Variants in NEO1 observed in about 807,000 individuals in gnomAD.
NEO1 encodes the protein neogenin 1.
Under a neutral mutation model 159.7 loss-of-function variants are expected in NEO1, and 63 were observed. That is an observed-to-expected ratio of 0.39 (90% confidence interval 0.32 to 0.49). The LOEUF (loss-of-function observed/expected upper bound fraction) is 0.49. Among genes scored for constraint, NEO1 ranks in the 20% least tolerant of loss-of-function variants. The probability of loss-of-function intolerance (pLI) is 0.85; values close to 1 mark genes in which losing one functional copy is unlikely to be tolerated. For synonymous variants in NEO1, 633 were observed against 662.0 expected, an observed-to-expected ratio of 0.96 and a Z score of 0.67; for missense variants, 1,615 against 1,831.0, an observed-to-expected ratio of 0.88 and a Z score of 2.15.
intron 12 of NEO1, among the ~76,000 whole-genome samples, 184 bp from the exon 13 acceptor site, chr15:73,254,498 T>A (rs1426292212): frequency 2.6e-5 from 4 of 152,148 alleles, no homozygotes; most frequent in Non-Finnish European, 5.9e-5. Context: ...TCCCATTTGA[T>A]CATTGAGGGT....
chr15:73,112,981 G>A (rs866937018), intron 1 of NEO1, among the ~76,000 whole-genome samples: 2 of 151,956 alleles, frequency 1.3e-5, no homozygotes, highest in East Asian at 1.9e-4. Flanking sequence ...TTCCTCAATC[G>A]ATTTAAAATG....
intron 7 of NEO1, among the ~76,000 whole-genome samples, chr15:73,208,659 C>T (rs550976468): frequency 6.6e-6 from 1 of 152,102 alleles, no homozygotes; most frequent in African/African-American, 2.4e-5. Context: ...CCCAGGAGTT[C>T]GAGACCAACC....
At chr15:73,260,228 A>C (rs2040559714) in intron 14 of NEO1, 43 bp from the exon 15 acceptor site, 1 of 1,548,066 alleles carries the variant, frequency 6.5e-7, no homozygotes, top group Non-Finnish European at 8.9e-7. Context: ...GATATTTTAA[A>C]GGACAGTATA....
intron 2 of NEO1, among the ~76,000 whole-genome samples, chr15:73,119,874 C>T (rs531048486): frequency 6.6e-6 from 1 of 152,352 alleles, no homozygotes; most frequent in Admixed American, 6.5e-5. Context: ...CAGTGGCTTA[C>T]GCCTATAATC....
intron 22 of NEO1, among the ~76,000 whole-genome samples, chr15:73,278,416 A>G (rs1461199066): frequency 6.6e-6 from 1 of 152,232 alleles, no homozygotes. Context: ...ACTTAAGATT[A>G]ATTCCTAAAC....
At chr15:73,225,271 G>T (rs902823191) in intron 7 of NEO1, among the ~76,000 whole-genome samples, 17 of 152,148 alleles carry the variant, frequency 1.1e-4, no homozygotes, top group Non-Finnish European at 1.5e-5. Context: ...CTATTTTTGT[G>T]CTGGTTGCCC....
chr15:73,084,106 TA>T (rs200772953), intron 1 of NEO1, among the ~76,000 whole-genome samples: 2,343 of 152,238 alleles, frequency 0.015, 61 homozygotes, highest in African/African-American at 0.053. Context: ...CTCATATACT[TA>T]ACGTTTTTCT....
chr15:73,083,518 T>G (rs1433327514), intron 1 of NEO1, among the ~76,000 whole-genome samples: 1 of 152,150 alleles, frequency 6.6e-6, no homozygotes, highest in Admixed American at 6.5e-5. Context: ...ACATTATCAT[T>G]GGACAGTGCA....
chr15:73,279,549 A>G (rs1258608565), intron 22 of NEO1, among the ~76,000 whole-genome samples: 3 of 151,714 alleles, frequency 2.0e-5, no homozygotes, highest in Admixed American at 1.3e-4. Flanking sequence ...GGGTTTCACC[A>G]TGTTGGCCAG....
intron 9 of NEO1, among the ~76,000 whole-genome samples, chr15:73,248,215 A>G (rs1382958093): frequency 6.6e-6 from 1 of 152,150 alleles, no homozygotes; most frequent in Non-Finnish European, 1.5e-5. Flanking sequence ...TATTTTATCT[A>G]GTCTTGTTCT....
intron 21 of NEO1, 142 bp downstream of exon 21, chr15:73,274,866 A>G: frequency 1.3e-6 from 1 of 761,276 alleles, no homozygotes; most frequent in Non-Finnish European, 2.1e-6. Context: ...GCCAAAGTAG[A>G]GTTGAGTCCA....
At chr15:73,249,463 T>TATA (rs774748283) in intron 10 of NEO1, 120 bp from the exon 11 acceptor site, 9 of 1,139,574 alleles carry the variant, frequency 7.9e-6, no homozygotes, top group Admixed American at 5.9e-5. Context: ...TGAAGAACCT[T>TATA]ATGTAGAAGG....
At chr15:73,249,814 G>A in intron 11 of NEO1, 93 bp downstream of exon 11, 1 of 1,374,606 alleles carries the variant, frequency 7.3e-7, no homozygotes, top group Non-Finnish European at 9.7e-7. Context: ...AGAAGATTCA[G>A]TTCAAATCCC....
At chr15:73,158,546 C>A (rs2033948540) in intron 5 of NEO1, among the ~76,000 whole-genome samples, 1 of 151,772 alleles carries the variant, frequency 6.6e-6, no homozygotes, top group Admixed American at 6.6e-5. Context: ...CACTACGACA[C>A]CCAGCTAATT....
chr15:73,118,803 T>C (rs1455635083), intron 2 of NEO1, among the ~76,000 whole-genome samples: 2 of 152,246 alleles, frequency 1.3e-5, no homozygotes. Flanking sequence ...AAAGTTCTTT[T>C]AAATAGTTGC....
chr15:73,285,991 T>C (rs1164885637), intron 23 of NEO1, among the ~76,000 whole-genome samples: 1 of 152,162 alleles, frequency 6.6e-6, no homozygotes, highest in Non-Finnish European at 1.5e-5. Context: ...GACCTCTTAC[T>C]CGTTATTGGC....
chr15:73,268,197 T>G (rs1193495954), intron 16 of NEO1, among the ~76,000 whole-genome samples: 1 of 152,206 alleles, frequency 6.6e-6, no homozygotes, highest in African/African-American at 2.4e-5. Flanking sequence ...AGAAATAGCT[T>G]TAGTATTACA....
chr15:73,247,210 G>A (rs181129987), intron 9 of NEO1, among the ~76,000 whole-genome samples: 11 of 152,314 alleles, frequency 7.2e-5, no homozygotes, highest in African/African-American at 2.6e-4. Context: ...TCATCTGGAG[G>A]TGTTCAGCTT....
intron 5 of NEO1, chr15:73,162,193 C>A: frequency 4.6e-6 from 1 of 218,890 alleles, no homozygotes; most frequent in Non-Finnish European, 9.5e-6. Flanking sequence ...TCATGTCCTC[C>A]TCTTCTTGAT....
Sources: gnomAD v4.1 joint callset for allele counts (sites outside exome capture counted in the v4.1 genomes callset) on GRCh38, gnomAD v4.1.1 for gene constraint, MANE v1.5 for transcripts, NCBI Gene and HGNC (gene_info 2026-07-23, HGNC 2026-07-21) for gene names.